TIMP2: variants seen among roughly 807,000 people sequenced by gnomAD.
The protein encoded by TIMP2 is TIMP metallopeptidase inhibitor 2.
Under a neutral mutation model 24.3 loss-of-function variants are expected in TIMP2, and 5 were observed. The observed-to-expected ratio is 0.21, with a 90% confidence interval of 0.11 to 0.43. TIMP2 has a LOEUF of 0.43. Among genes scored for constraint, TIMP2 ranks in the 20% least tolerant of loss-of-function variants. TIMP2 has a pLI of 1.00. For synonymous variants in TIMP2, 130 were observed against 123.2 expected, an observed-to-expected ratio of 1.06 and a Z score of -0.37; for missense variants, 221 against 297.5, an observed-to-expected ratio of 0.74 and a Z score of 1.89.
At chr17:78,884,885 A>C (rs2069811981) in intron 1 of TIMP2, among the ~76,000 whole-genome samples, 1 of 152,246 alleles carries the variant, frequency 6.6e-6, no homozygotes, top group African/African-American at 2.4e-5. Context: ...GATCCTGGTC[A>C]CACAGGGCTT....
chr17:78,856,455 G>A (rs1380878208), intron 4 of TIMP2: 1 of 155,842 alleles, frequency 6.4e-6, no homozygotes, highest in Non-Finnish European at 1.4e-5. Context: ...CCGTCAGGAG[G>A]GAGGGCAGCC....
chr17:78,881,313 G>A (rs756766519), intron 1 of TIMP2, among the ~76,000 whole-genome samples: 5 of 152,320 alleles, frequency 3.3e-5, no homozygotes, highest in Admixed American at 1.3e-4. Context: ...ATGGCCCAGC[G>A]GAGAACGCCA....
intron 1 of TIMP2, among the ~76,000 whole-genome samples, chr17:78,921,627 C>T (rs1389372701): frequency 6.6e-6 from 1 of 152,206 alleles, no homozygotes; most frequent in Non-Finnish European, 1.5e-5. Flanking sequence ...AAGGATTTCA[C>T]TGGGTGAGAG....
At chr17:78,911,894 CAAAAAAA>C (rs60505603) in intron 1 of TIMP2, among the ~76,000 whole-genome samples, 1 of 112,098 alleles carries the variant, frequency 8.9e-6, no homozygotes, top group African/African-American at 3.3e-5. Flanking sequence ...AAAAACACAC[CAAAAAAA>C]AAAAAAAAAA....
intron 1 of TIMP2, among the ~76,000 whole-genome samples, chr17:78,880,549 A>G (rs2069770305): frequency 6.8e-6 from 1 of 147,364 alleles, no homozygotes. Context: ...AAACAAAAAC[A>G]AAAAAAAACA....
intron 1 of TIMP2, among the ~76,000 whole-genome samples, chr17:78,884,528 A>G (rs1420277775): frequency 6.6e-6 from 1 of 152,102 alleles, no homozygotes; most frequent in Non-Finnish European, 1.5e-5. Context: ...CACACCCAGG[A>G]AAGAATGAAA....
At chr17:78,858,311 C>T (rs193156438) in intron 3 of TIMP2, among the ~76,000 whole-genome samples, 179 of 151,912 alleles carry the variant, frequency 1.2e-3, no homozygotes, top group Admixed American at 4.5e-3. Context: ...GGCGTGCTGG[C>T]GGGCACCTGT....
intron 1 of TIMP2, among the ~76,000 whole-genome samples, chr17:78,916,074 C>T (rs562607599): frequency 6.6e-6 from 1 of 152,260 alleles, no homozygotes; most frequent in East Asian, 1.9e-4. Context: ...TCCCTCAGGG[C>T]GGGGTGGGGA....
At chr17:78,863,251 T>A (rs1374920950) in intron 3 of TIMP2, among the ~76,000 whole-genome samples, 1 of 152,206 alleles carries the variant, frequency 6.6e-6, no homozygotes, top group Non-Finnish European at 1.5e-5. Context: ...TTATTTATTT[T>A]TTTTGGGTGG....
At chr17:78,913,122 G>A (rs2070223282) in intron 1 of TIMP2, among the ~76,000 whole-genome samples, 1 of 152,282 alleles carries the variant, frequency 6.6e-6, no homozygotes, top group African/African-American at 2.4e-5. Flanking sequence ...CCCAGCAGTG[G>A]GTCTAGTTTG....
chr17:78,858,871 C>T (rs892621077), intron 3 of TIMP2, among the ~76,000 whole-genome samples: 3 of 152,072 alleles, frequency 2.0e-5, no homozygotes, highest in Admixed American at 6.6e-5. Context: ...AGGATAGAGA[C>T]GATGTTTCAC....
intron 1 of TIMP2, among the ~76,000 whole-genome samples, chr17:78,881,080 A>T (rs184639138): frequency 3.9e-5 from 6 of 152,316 alleles, no homozygotes; most frequent in Non-Finnish European, 8.8e-5. Flanking sequence ...ACTCAGAAAC[A>T]CATTCGGCTG....
At chr17:78,913,479 G>A (rs749796756) in intron 1 of TIMP2, among the ~76,000 whole-genome samples, 1 of 152,184 alleles carries the variant, frequency 6.6e-6, no homozygotes. Flanking sequence ...GGGAGGCCGA[G>A]GTGGGAAGAC....
rs2070343983 is a variant in TIMP2, at chr17:78,925,349, T to TCTCGGCGGCCGCGCTGCGGC, written c.-262_-261insGCCGCAGCGCGGCCGCCGAG. The TCTCGGCGGCCGCGCTGCGGC allele has an allele frequency of 1.3e-5, 2 of 150,726 alleles. No homozygotes were observed. Among genetic ancestry groups the TCTCGGCGGCCGCGCTGCGGC allele is most frequent in the Non-Finnish European group, 3.0e-5 (2 of 67,020 alleles). 9.3% of individuals were successfully genotyped at this position (150,726 alleles called of 1,614,324 possible). On this transcript the variant is annotated 5_prime_UTR_variant, in exon 1 of 5. Coordinates refer to ENST00000262768, the MANE Select transcript of TIMP2 (RefSeq NM_003255.5). ...GGGCGGCGGGCGAGCGGCGCTGCGG[T>TCTCGGCGGCCGCGCTGCGGC]TCTCGGCGGCCGCGCTGCCTTCTAC... is the stretch of plus-strand genomic sequence containing the variant.
At chr17:78,905,389 G>A (rs139112299) in intron 1 of TIMP2, among the ~76,000 whole-genome samples, 53 of 152,316 alleles carry the variant, frequency 3.5e-4, no homozygotes, top group African/African-American at 1.2e-3. Context: ...TTACGCAGCT[G>A]GATGGAGCCT....
intron 3 of TIMP2, among the ~76,000 whole-genome samples, chr17:78,865,966 C>T (rs527334884): frequency 1.3e-5 from 2 of 152,162 alleles, no homozygotes; most frequent in East Asian, 1.9e-4. Flanking sequence ...TGAGCTGGGA[C>T]GGCTGGGACT....
intron 1 of TIMP2, among the ~76,000 whole-genome samples, chr17:78,880,956 T>C (rs1264614002): frequency 1.3e-5 from 2 of 152,282 alleles, no homozygotes; most frequent in East Asian, 3.9e-4. Flanking sequence ...CTCCACACAC[T>C]GTAACAGCAT....
intron 1 of TIMP2, among the ~76,000 whole-genome samples, chr17:78,907,064 C>T (rs1405207952): frequency 6.6e-6 from 1 of 152,090 alleles, no homozygotes; most frequent in African/African-American, 2.4e-5. Flanking sequence ...AGAGACGTCT[C>T]GCTCTGTCTG....
intron 1 of TIMP2, among the ~76,000 whole-genome samples, chr17:78,874,881 T>C (rs1009011239): frequency 8.5e-5 from 13 of 152,060 alleles, no homozygotes; most frequent in African/African-American, 2.9e-4. Context: ...GCTCTGATTA[T>C]AGGCAGCTGC....
Sources: allele counts gnomAD v4.1 joint callset (sites outside exome capture counted in the v4.1 genomes callset), GRCh38; gene constraint gnomAD v4.1.1; transcripts MANE v1.5; gene names NCBI Gene and HGNC (gene_info 2026-07-23, HGNC 2026-07-21).